The following PUDP variants were observed in gnomAD, a reference collection of about 807,000 sequenced individuals.
The protein encoded by PUDP is pseudouridine 5'-phosphatase, also known as pseudouridine-5'-phosphatase.
In PUDP, 8 loss-of-function variants were observed where a neutral mutation model predicts 9.4. The ratio of observed to expected loss-of-function variants is 0.85; its 90% CI spans 0.50 to 1.53. The LOEUF (loss-of-function observed/expected upper bound fraction) is 1.53. Ranked by LOEUF, PUDP falls within the 40% of genes most tolerant of loss-of-function variation. The probability of loss-of-function intolerance (pLI) is 0.00; values close to 1 mark genes in which losing one functional copy is unlikely to be tolerated. For missense variants in PUDP, 188 were observed against 189.7 expected (o/e 0.99, Z 0.05); for synonymous variants, 99 against 80.7 (o/e 1.23, Z -1.22).
intron 3 of PUDP, among the ~76,000 whole-genome samples, chrX:6,939,557 C>T (rs6639723): frequency 0.21 from 22,923 of 108,759 alleles, 1,966 homozygotes; most frequent in Admixed American, 0.35. Context: ...AATCTTATTC[C>T]ATGAAAAAAA....
chrX:7,040,106 G>A (rs1044043712), intron 1 of PUDP, among the ~76,000 whole-genome samples: 3 of 111,986 alleles, frequency 2.7e-5, no homozygotes, highest in African/African-American at 6.5e-5. Context: ...CCAAACAAAG[G>A]CTGAAAATTC....
intron 3 of PUDP, among the ~76,000 whole-genome samples, chrX:6,784,793 C>T (rs982950484): frequency 8.9e-6 from 1 of 112,220 alleles, no homozygotes. Flanking sequence ...GATTAATCTT[C>T]GCAAGCTGCA....
rs191979055 is a variant in PUDP at position 6,720,260 on chromosome X, A to G, written n.128+1157T>C. On this transcript the variant is annotated intron_variant and non_coding_transcript_variant, in intron 1 of 2. Coordinates refer to the PUDP transcript ENST00000438499. The stretch of plus-strand genomic sequence containing the variant: ...TATATATGTATGTGTGTGTGTGTGT[A>G]TATATATATATATATATATATATAT... Among the ~76,000 whole-genome samples the G allele has an allele frequency of 5.8e-3, 429 of 73,767 alleles. 6 individuals are homozygous for G. Among genetic ancestry groups the G allele is most frequent in the African/African-American group, 0.023 (389 of 16,698 alleles). The allele number at this position is 73,767 out of a possible 115,157, so 64.1% of individuals were successfully genotyped here.
chrX:7,074,537 T>C (rs1291362391), intron 3 of PUDP, among the ~76,000 whole-genome samples: 1 of 112,531 alleles, frequency 8.9e-6, no homozygotes, highest in Non-Finnish European at 1.9e-5. Flanking sequence ...ACCTTGTCTT[T>C]ATCAGTTTGT....
chrX:7,080,756 A>AT (rs1321384032), intron 2 of PUDP, among the ~76,000 whole-genome samples: 1 of 110,800 alleles, frequency 9.0e-6, no homozygotes, highest in Non-Finnish European at 1.9e-5. Flanking sequence ...AAAGGCTCTA[A>AT]TTTTTTTAAA....
chrX:6,714,589 T>A lies in PUDP; in HGVS notation n.128+6828A>T, dbSNP rs377373513. On this transcript the variant is annotated intron_variant and non_coding_transcript_variant, in intron 1 of 2. Coordinates refer to the PUDP transcript ENST00000438499. ...ACAATAGCTAGATGGAGATGATAGA[T>A]AGATATGATAGATAGATACATAGAT... Among the ~76,000 whole-genome samples the A allele has an allele frequency of 2.3e-4, 25 of 110,840 alleles. No individual in the cohort carries two copies. The East Asian group carries it at 2.8e-3, about 13-fold the overall frequency.
intron 3 of PUDP, among the ~76,000 whole-genome samples, chrX:6,900,339 G>A (rs1356640368): frequency 8.8e-5 from 9 of 102,375 alleles, no homozygotes; most frequent in African/African-American, 3.3e-4. Flanking sequence ...GGGGGGGGGC[G>A]CTGCTACTGG....
intron 3 of PUDP, among the ~76,000 whole-genome samples, chrX:6,863,927 C>G (rs1927040970): frequency 9.0e-6 from 1 of 111,573 alleles, no homozygotes; most frequent in South Asian, 3.8e-4. Flanking sequence ...GAACCCTTGA[C>G]CAGTAGGTCC....
chrX:7,142,325 C>T (rs1008756450), intron 1 of PUDP, among the ~76,000 whole-genome samples: 42 of 112,105 alleles, frequency 3.7e-4, no homozygotes, highest in Middle Eastern at 4.6e-3. Flanking sequence ...GGAGTTGATT[C>T]CAATCCTCAT....
intron 3 of PUDP, among the ~76,000 whole-genome samples, chrX:6,763,685 G>T (rs1021128340): frequency 9.0e-6 from 1 of 111,531 alleles, no homozygotes; most frequent in Non-Finnish European, 1.9e-5. Flanking sequence ...TGTTGTTTTT[G>T]CTGTTTTAAA....
At chrX:6,900,331 G>A (rs868231976) in intron 3 of PUDP, among the ~76,000 whole-genome samples, 1 of 106,803 alleles carries the variant, frequency 9.4e-6, no homozygotes, top group Non-Finnish European at 1.9e-5. Flanking sequence ...CCACTTGGGG[G>A]GGGGGGCGCT....
intron 3 of PUDP, among the ~76,000 whole-genome samples, chrX:6,758,748 T>C (rs936189540): frequency 1.1e-4 from 12 of 111,241 alleles, no homozygotes; most frequent in South Asian, 3.8e-4. Flanking sequence ...AGACAAATCA[T>C]GTGCAAGATG....
chrX:7,141,715 AGAG>A (rs200878913), intron 1 of PUDP, among the ~76,000 whole-genome samples: 4,000 of 112,738 alleles, frequency 0.035, 146 homozygotes, highest in African/African-American at 0.12. Context: ...TCATAGCTAG[AGAG>A]GAGAAGTCAG....
intron 3 of PUDP, among the ~76,000 whole-genome samples, chrX:6,878,423 G>A (rs1443034369): frequency 9.2e-6 from 1 of 108,154 alleles, no homozygotes; most frequent in Non-Finnish European, 1.9e-5. Flanking sequence ...CTGAGGTGTA[G>A]TGGCACAATC....
chrX:6,898,011 G>A (rs1425634577), intron 3 of PUDP, among the ~76,000 whole-genome samples: 2 of 112,522 alleles, frequency 1.8e-5, no homozygotes, highest in Non-Finnish European at 3.8e-5. Context: ...TTCACGCATA[G>A]TAGGTGCTCA....
chrX:6,764,241 A>G (rs1925259017), intron 3 of PUDP, among the ~76,000 whole-genome samples: 1 of 111,795 alleles, frequency 8.9e-6, no homozygotes. Flanking sequence ...GCAGGAGGCA[A>G]AGCAGAAGAC....
intron 3 of PUDP, among the ~76,000 whole-genome samples, chrX:6,857,111 G>A (rs1353564814): frequency 8.9e-6 from 1 of 112,646 alleles, no homozygotes; most frequent in Non-Finnish European, 1.9e-5. Flanking sequence ...AGGAAATTTA[G>A]TGAACATTGA....
rs765489568 is a variant in PUDP at position 6,770,259 on chromosome X, T to C, written c.*248-63793A>G. 5.3e-5 allele frequency among the ~76,000 whole-genome samples: 6 copies of C among 112,764 alleles called. No individual in the cohort carries two copies. In the East Asian group the frequency reaches 1.4e-3, roughly 26 times the overall value. ...ATCTGGCCACACACATTCATTTGCA[T>C]GCCTGTCTGTGGCTGCTTTTCTTCT... On this transcript the variant is annotated intron_variant and NMD_transcript_variant, in intron 3 of 3. Coordinates refer to the PUDP transcript ENST00000655425.
chrX:6,811,402 C>A (rs749780227), intron 3 of PUDP, among the ~76,000 whole-genome samples: 2 of 110,894 alleles, frequency 1.8e-5, no homozygotes, highest in Non-Finnish European at 3.8e-5. Flanking sequence ...GCAACCTCCA[C>A]TTTCCAGGTT....
Sources: gnomAD v4.1 joint callset for allele counts (sites outside exome capture counted in the v4.1 genomes callset) on GRCh38, gnomAD v4.1.1 for gene constraint, MANE v1.5 for transcripts, NCBI Gene and HGNC (gene_info 2026-07-23, HGNC 2026-07-21) for gene names.